Variants in SOX5 observed in about 807,000 individuals in gnomAD.
SOX5 encodes SRY-box transcription factor 5.
A neutral mutation model predicts 92.0 loss-of-function variants in SOX5; 9 were observed. The observed-to-expected ratio is 0.10, with a 90% CI of 0.06 to 0.17. The LOEUF (loss-of-function observed/expected upper bound fraction) is 0.17, where lower values mean the gene tolerates loss of function less well. SOX5 is among the 10% of genes least tolerant of loss of function. The pLI, the probability that SOX5 is intolerant of heterozygous loss-of-function variation, is 1.00. For missense variants in SOX5, 642 were observed against 944.5 expected, an observed-to-expected ratio of 0.68 and a Z score of 4.20; for synonymous variants, 344 against 336.3, an observed-to-expected ratio of 1.02 and a Z score of -0.25.
intron 6 of SOX5, among the ~76,000 whole-genome samples, chr12:23,678,510 G>A (rs1354442283): frequency 6.6e-6 from 1 of 152,002 alleles, no homozygotes; most frequent in Non-Finnish European, 1.5e-5. Flanking sequence ...GACATTTTAT[G>A]GGATGAAAAG....
intron 4 of SOX5, among the ~76,000 whole-genome samples, chr12:24,013,665 G>A (rs1483438593): frequency 6.6e-6 from 1 of 152,118 alleles, no homozygotes; most frequent in Non-Finnish European, 1.5e-5. Context: ...GGACTCATGG[G>A]AAAATTGCAA....
chr12:23,967,050 T>G (rs952348971), intron 4 of SOX5, among the ~76,000 whole-genome samples: 1 of 152,168 alleles, frequency 6.6e-6, no homozygotes, highest in Non-Finnish European at 1.5e-5. Context: ...TTGTTTATGT[T>G]GCATACAATG....
chr12:24,143,089 A>G (rs183135372), intron 4 of SOX5, among the ~76,000 whole-genome samples: 1 of 152,302 alleles, frequency 6.6e-6, no homozygotes, highest in East Asian at 1.9e-4. Context: ...AGAGAATTCA[A>G]AAGTGTCTCA....
intron 6 of SOX5, among the ~76,000 whole-genome samples, chr12:23,680,129 C>A (rs1365818068): frequency 6.6e-6 from 1 of 151,594 alleles, no homozygotes; most frequent in African/African-American, 2.4e-5. Context: ...AGTTCTAGAG[C>A]AGCCTGGGCA....
intron 3 of SOX5, among the ~76,000 whole-genome samples, chr12:24,264,329 C>A (rs912151710): frequency 1.3e-5 from 2 of 152,040 alleles, no homozygotes; most frequent in African/African-American, 4.8e-5. Flanking sequence ...CATACATTTT[C>A]TTTTAAAAAA....
chr12:24,348,027 C>A (rs1223745276), intron 2 of SOX5, among the ~76,000 whole-genome samples: 3 of 105,252 alleles, frequency 2.9e-5, no homozygotes, highest in Non-Finnish European at 5.3e-5. Flanking sequence ...GTTGCAATTT[C>A]TTCAGAGATA....
intron 7 of SOX5, among the ~76,000 whole-genome samples, chr12:23,645,984 A>C (rs11047021): frequency 0.45 from 67,840 of 151,918 alleles, 16,287 homozygotes; most frequent in African/African-American, 0.64. Context: ...TGTGCAATAG[A>C]ATTATGTCTA....
chr12:24,158,405 A>G (rs1230816148), intron 4 of SOX5, among the ~76,000 whole-genome samples: 3 of 152,014 alleles, frequency 2.0e-5, no homozygotes, highest in Non-Finnish European at 4.4e-5. Flanking sequence ...GGTCACAGGA[A>G]TAACTAACAT....
At chr12:24,464,679 G>T (rs535235816) in intron 1 of SOX5, among the ~76,000 whole-genome samples, 6 of 152,140 alleles carry the variant, frequency 3.9e-5, no homozygotes, top group Non-Finnish European at 1.5e-5. Context: ...CTATGTGCAC[G>T]CACTCTTCTA....
At chr12:23,550,437 T>C (rs930480279) in intron 11 of SOX5, among the ~76,000 whole-genome samples, 3 of 152,034 alleles carry the variant, frequency 2.0e-5, no homozygotes, top group Non-Finnish European at 2.9e-5. Context: ...AATTTTAAGA[T>C]AGATATACTT....
intron 6 of SOX5, among the ~76,000 whole-genome samples, chr12:23,711,722 C>G (rs2092071663): frequency 6.6e-6 from 1 of 152,070 alleles, no homozygotes; most frequent in African/African-American, 2.4e-5. Flanking sequence ...GAAAATGGAA[C>G]TAGAAAGCTT....
At chr12:23,697,766 G>A (rs542601347) in intron 6 of SOX5, among the ~76,000 whole-genome samples, 27 of 152,182 alleles carry the variant, frequency 1.8e-4, no homozygotes, top group African/African-American at 6.5e-4. Flanking sequence ...GCCCAGGCTG[G>A]CCTTGAACTC....
At chr12:23,586,197 G>A (rs1950707553) in intron 9 of SOX5, among the ~76,000 whole-genome samples, 1 of 152,084 alleles carries the variant, frequency 6.6e-6, no homozygotes, top group Admixed American at 6.6e-5. Flanking sequence ...CCTCGAGTAA[G>A]ACAACAAGGC....
Position 23,970,529 on chromosome 12 carries a change from A to C in SOX5, c.-1-74505T>G, listed in dbSNP as rs190476412. 2.6e-4 allele frequency among the ~76,000 whole-genome samples: 40 copies of C among 151,950 alleles called. 1 individual carries two copies. The East Asian group carries it at 7.5e-3, about 29-fold the overall frequency. On this transcript the variant is annotated intron_variant, in intron 4 of 4. Transcript: ENST00000446891. The stretch of plus-strand genomic sequence containing the variant: ...TTTGCCTATTATATATACATATTTC[A>C]TGTAAGTGTAGTCATAGAGTATTTT...
intron 4 of SOX5, among the ~76,000 whole-genome samples, chr12:24,095,128 CAGAGAGAGAGAGAGAGAGAGAGAGAGAG>C (rs764681203): frequency 1.1e-5 from 1 of 90,214 alleles, no homozygotes; most frequent in Non-Finnish European, 2.3e-5. Context: ...CACACACACA[CAGAGAGAGAGAGAGAGAGAGAGAGAGAG>C]ACAGAGACAG....
intron 1 of SOX5, among the ~76,000 whole-genome samples, chr12:24,387,549 T>A (rs1174148534): frequency 4.6e-5 from 7 of 152,044 alleles, no homozygotes; most frequent in Admixed American, 6.6e-5. Context: ...GTCTATTCTG[T>A]CACCCTCTTC....
At chr12:23,746,699 G>A (rs1302117502) in intron 4 of SOX5, among the ~76,000 whole-genome samples, 1 of 152,012 alleles carries the variant, frequency 6.6e-6, no homozygotes, top group Non-Finnish European at 1.5e-5. Flanking sequence ...ATGAGACAAA[G>A]TCATGAGGGA....
At chr12:24,158,064 C>A (rs1302319580) in intron 4 of SOX5, among the ~76,000 whole-genome samples, 2 of 151,986 alleles carry the variant, frequency 1.3e-5, no homozygotes, top group African/African-American at 4.8e-5. Flanking sequence ...AAAGTAAAGG[C>A]AATTTCTACC....
intron 3 of SOX5, among the ~76,000 whole-genome samples, chr12:24,215,296 A>G (rs1015796998): frequency 7.2e-5 from 11 of 152,164 alleles, no homozygotes; most frequent in Admixed American, 1.3e-4. Context: ...GGCTGGAAAG[A>G]AAGAAGTATG....
Sources: allele counts gnomAD v4.1 joint callset (sites outside exome capture counted in the v4.1 genomes callset), GRCh38; gene constraint gnomAD v4.1.1; transcripts MANE v1.5; gene names NCBI Gene and HGNC (gene_info 2026-07-23, HGNC 2026-07-21).